The following UFC1 variants were observed in gnomAD, a reference collection of about 807,000 sequenced individuals.
UFC1 encodes ubiquitin-fold modifier-conjugating enzyme 1.
UFC1 carries 22 observed loss-of-function variants against 28.0 expected under a neutral mutation model. The ratio of observed to expected loss-of-function variants is 0.78; its 90% CI spans 0.56 to 1.12. UFC1 has a LOEUF of 1.12. UFC1 is among the 50% of genes most tolerant of loss of function. The probability of loss-of-function intolerance (pLI) is 0.00; values close to 1 mark genes in which losing one functional copy is unlikely to be tolerated. For synonymous variants in UFC1, 61 were observed against 74.5 expected (o/e 0.82, Z 0.93); for missense variants, 189 against 207.8 (o/e 0.91, Z 0.56).
At chr1:161,156,262 G>A (rs1331929659) in intron 1 of UFC1, among the ~76,000 whole-genome samples, 2 of 152,128 alleles carry the variant, frequency 1.3e-5, no homozygotes, top group East Asian at 3.9e-4. Context: ...TGGGCGTGGT[G>A]GCTCACGCCT....
At chr1:161,157,594 T>C in intron 3 of UFC1, 23 bp from the exon 4 acceptor site, 1 of 1,602,956 alleles carries the variant, frequency 6.2e-7, no homozygotes, top group South Asian at 1.1e-5. Context: ...TTCTGTTTTA[T>C]TAAGGTTTTA....
Position 161,158,815 on chromosome 1 carries a change from T to C in UFC1, c.*323T>C. ...AAGTGAGTACATATAGTCTTTCTGG[T>C]TTCTGGAGATAACCCATCAATAAAA... On this transcript the variant is annotated 3_prime_UTR_variant, in exon 6 of 6. Transcript: ENST00000368003. 1 of 296,046 alleles carries C rather than the reference T, an allele frequency of 3.4e-6. No homozygotes were observed. 18.3% of individuals were successfully genotyped at this position (296,046 alleles called of 1,614,324 possible). A position where few individuals can be genotyped will look rare whatever the true frequency, so the allele number is the denominator to read the frequency against.
chr1:161,155,709 T>C (rs1450668812), intron 1 of UFC1, among the ~76,000 whole-genome samples: 2 of 152,116 alleles, frequency 1.3e-5, no homozygotes, highest in Non-Finnish European at 2.9e-5. Flanking sequence ...TAGCATAACA[T>C]GGATTAGTGT....
chr1:161,156,335 C>T lies in UFC1; in HGVS notation c.124-615C>T, dbSNP rs538730444. 1.7e-4 allele frequency among the ~76,000 whole-genome samples: 26 copies of T among 150,578 alleles called. 2 individuals are homozygous for T. The South Asian group carries it at 5.1e-3, about 29-fold the overall frequency. ...CACGAGGTCAGGAGATCGAGACCATCCTGGCTAATATGGTGAAACCCCATC... is the reference window on the plus strand; with the variant it reads ...CACGAGGTCAGGAGATCGAGACCATTCTGGCTAATATGGTGAAACCCCATC... On this transcript the variant is annotated intron_variant, in intron 1 of 5. Transcript: ENST00000368003.
intron 3 of UFC1, 137 bp downstream of exon 3, chr1:161,157,454 A>G (rs1657548817): frequency 1.1e-5 from 15 of 1,321,978 alleles, no homozygotes; most frequent in South Asian, 2.5e-5. Context: ...TGAGGCAAGC[A>G]TAAGTTATAT....
rs1403490846 is a variant in UFC1 at position 161,158,470 on chromosome 1, A to C, written c.482A>C (p.His161Pro). The C allele has an allele frequency of 3.1e-6, 5 of 1,614,078 alleles. No individual in the cohort carries two copies. The Middle Eastern group carries it at 4.9e-4, about 159-fold the overall frequency. The stretch of plus-strand genomic sequence containing the variant: ...CTGATTCAGAAGGGCGTCATCCAAC[A>C]CAAAGAGAAATGCAACCAATGAAGA... The part of the protein sequence containing the change: ...PDLIQKGVIQ[H>P]KEKCNQ The change falls in exon 6 of 6, where the codon CAC (histidine) becomes CCC (proline). Residue 161 changes from histidine to proline, a missense_variant. Transcript: ENST00000368003.
intron 2 of UFC1, 61 bp from the exon 3 acceptor site, chr1:161,157,193 A>G (rs1200962504): frequency 2.5e-6 from 4 of 1,605,492 alleles, no homozygotes; most frequent in Non-Finnish European, 2.6e-6. Flanking sequence ...GCCTAAGCCA[A>G]GATATCATTT....
chr1:161,156,492 T>C (rs1657508775), intron 1 of UFC1, among the ~76,000 whole-genome samples: 2 of 146,842 alleles, frequency 1.4e-5, no homozygotes, highest in East Asian at 2.0e-4. Flanking sequence ...TGAGCCGAGA[T>C]TGCGCCACTG....
At chr1:161,156,407 C>T (rs543737148) in intron 1 of UFC1, among the ~76,000 whole-genome samples, 10 of 150,434 alleles carry the variant, frequency 6.6e-5, no homozygotes, top group African/African-American at 2.2e-4. Context: ...GGCATGGTGG[C>T]GGGCACCTGT....
intron 1 of UFC1, 117 bp downstream of exon 1, chr1:161,154,237 C>A: frequency 1.3e-6 from 2 of 1,483,404 alleles, no homozygotes; most frequent in Non-Finnish European, 1.8e-6. Flanking sequence ...CGCCCAAATT[C>A]ATAGAAATGG....
chr1:161,158,149 T>G lies in UFC1; in HGVS notation c.361T>G (p.Phe121Val), dbSNP rs774590747. 1 of 1,614,226 alleles carries G rather than the reference T, an allele frequency of 6.2e-7. No homozygotes were observed. The highest frequency in any genetic ancestry group is 8.5e-7 in the Non-Finnish European group (1 of 1,180,042). Residue 121 changes from phenylalanine (F) to valine (V), a missense_variant, in exon 5 of 6, where the codon TTC (phenylalanine) becomes GTC (valine). Transcript: ENST00000368003. Reference protein sequence around the residue: ...RGGKICLTDHFKPLWARNVPK... With the variant: ...RGGKICLTDHVKPLWARNVPK... ...TGGCAAAATATGCCTGACGGATCATTTCAAACCTTTGTGGGCCAGGAATGT... is the reference window on the plus strand; with the variant it reads ...TGGCAAAATATGCCTGACGGATCATGTCAAACCTTTGTGGGCCAGGAATGT...
At chr1:161,154,158 G>C in intron 1 of UFC1, 38 bp downstream of exon 1, 3 of 1,610,666 alleles carry the variant, frequency 1.9e-6, no homozygotes, top group East Asian at 2.2e-5. Context: ...GTAGCATAAG[G>C]GTTGGGAGAA....
chr1:161,158,229 G>A lies in UFC1; in HGVS notation c.423+18G>A, dbSNP rs542605641. The A allele has an allele frequency of 2.0e-4, 323 of 1,612,954 alleles. 1 individual carries two copies. In the South Asian group the frequency reaches 3.4e-3, roughly 17 times the overall value. On this transcript the variant is annotated intron_variant, in intron 5 of 5. Transcript: ENST00000368003. Reference sequence around the variant, plus strand: ...CTCTGGGGGTAAGTTTTGTGTATTTGGCATAAAAGGAGAAAGAGGGACTTA... The same window carrying A: ...CTCTGGGGGTAAGTTTTGTGTATTTAGCATAAAAGGAGAAAGAGGGACTTA...
At chr1:161,157,212 G>A in intron 2 of UFC1, 42 bp from the exon 3 acceptor site, 5 of 1,613,296 alleles carry the variant, frequency 3.1e-6, no homozygotes, top group Non-Finnish European at 4.2e-6. Flanking sequence ...TTGAGTACTG[G>A]AAGAATAGGC....
At chr1:161,154,746 C>T (rs1657463944) in intron 1 of UFC1, among the ~76,000 whole-genome samples, 1 of 152,172 alleles carries the variant, frequency 6.6e-6, no homozygotes, top group East Asian at 1.9e-4. Context: ...GCCTCGGCCT[C>T]CCAAAGTGCT....
In UFC1 at chr1:161,158,318, A is replaced by C. The variant is rs528281489; in HGVS notation, c.424-94A>C. 2.2e-4 allele frequency: 341 copies of C among 1,575,778 alleles called. 1 individual carries two copies. The African/African-American group carries it at 4.0e-3, about 18-fold the overall frequency. On this transcript the variant is annotated intron_variant, in intron 5 of 5. Transcript: ENST00000368003. ...GGAATAACAGTGATGTCCCTTAAGCATGTTCCCCCAGAATCTGTCTCCAGG... is the reference window on the plus strand; with the variant it reads ...GGAATAACAGTGATGTCCCTTAAGCCTGTTCCCCCAGAATCTGTCTCCAGG...
At chr1:161,157,521 T>C in intron 3 of UFC1, 96 bp from the exon 4 acceptor site, 3 of 1,371,208 alleles carry the variant, frequency 2.2e-6, no homozygotes, top group Non-Finnish European at 3.1e-6. Flanking sequence ...GGAGTTTTAC[T>C]TAACATTTCA....
intron 1 of UFC1, 118 bp downstream of exon 1, chr1:161,154,238 A>C: frequency 6.7e-7 from 1 of 1,488,220 alleles, no homozygotes; most frequent in Non-Finnish European, 9.1e-7. Context: ...GCCCAAATTC[A>C]TAGAAATGGG....
At chr1:161,154,844 T>C (rs1326921026) in intron 1 of UFC1, among the ~76,000 whole-genome samples, 1 of 152,196 alleles carries the variant, frequency 6.6e-6, no homozygotes, top group Non-Finnish European at 1.5e-5. Flanking sequence ...AGGTGTTAAC[T>C]ACAGAGAGTT....
Sources: allele counts gnomAD v4.1 joint callset (sites outside exome capture counted in the v4.1 genomes callset), GRCh38; gene constraint gnomAD v4.1.1; transcripts MANE v1.5; gene names NCBI Gene and HGNC (gene_info 2026-07-23, HGNC 2026-07-21).